The following IQCK variants were observed in gnomAD, a reference collection of about 807,000 sequenced individuals.
The protein encoded by IQCK is IQ domain-containing protein K.
A neutral mutation model predicts 28.1 loss-of-function variants in IQCK; 29 were observed. The ratio of observed to expected loss-of-function variants is 1.03; its 90% CI spans 0.77 to 1.41. IQCK has a LOEUF of 1.41. Ranked by LOEUF, IQCK falls within the 40% of genes most tolerant of loss-of-function variation. IQCK has a pLI of 0.00. For synonymous variants in IQCK, 113 were observed against 115.1 expected (o/e 0.98, Z 0.12); for missense variants, 359 against 314.7 (o/e 1.14, Z -1.07).
At chr16:19,722,377 C>T (rs1031379191) in intron 1 of IQCK, among the ~76,000 whole-genome samples, 1 of 152,068 alleles carries the variant, frequency 6.6e-6, no homozygotes. Flanking sequence ...TTATCACTCA[C>T]TTCCTCTGCT....
chr16:19,733,552 G>T, intron 2 of IQCK, 146 bp from the exon 3 acceptor site: 1 of 840,894 alleles, frequency 1.2e-6, no homozygotes, highest in Non-Finnish European at 1.8e-6. Flanking sequence ...TCTCAGGAGG[G>T]AAGGGAGACA....
At chr16:19,828,406 G>T (rs1198938039), downstream of IQCK, among the ~76,000 whole-genome samples, 6 of 145,716 alleles carry the variant, frequency 4.1e-5, no homozygotes, top group African/African-American at 7.6e-5. Flanking sequence ...GCTAATTTTT[G>T]TATTTTTAGT....
chr16:19,765,221 CAA>C (rs756571642), intron 6 of IQCK, among the ~76,000 whole-genome samples: 2,305 of 62,896 alleles, frequency 0.037, 54 homozygotes, highest in African/African-American at 0.12. Context: ...GACTCCATCT[CAA>C]AAAAAAAAAA....
intron 4 of IQCK, among the ~76,000 whole-genome samples, chr16:19,744,819 C>T (rs2054884764): frequency 1.3e-5 from 2 of 152,158 alleles, no homozygotes; most frequent in Admixed American, 6.5e-5. Context: ...CAAATATACT[C>T]TGTGAAAGGT....
chr16:19,855,184 T>C (rs2056542603), intron 9 of IQCK, among the ~76,000 whole-genome samples: 1 of 152,142 alleles, frequency 6.6e-6, no homozygotes, highest in African/African-American at 2.4e-5. Flanking sequence ...GGGAAGCTGA[T>C]GATCTGGAAA....
At chr16:19,749,937 G>C (rs2151697991) in intron 4 of IQCK, among the ~76,000 whole-genome samples, 1 of 152,226 alleles carries the variant, frequency 6.6e-6, no homozygotes, top group Admixed American at 6.5e-5. Flanking sequence ...TGTAAGGGAA[G>C]CTTAATGATT....
chr16:19,726,418 C>T (rs1334790161), intron 1 of IQCK, among the ~76,000 whole-genome samples: 1 of 151,998 alleles, frequency 6.6e-6, no homozygotes, highest in East Asian at 1.9e-4. Context: ...GGCAATTTGG[C>T]CCAAATTTTA....
chr16:19,764,646 A>G (rs1163087472), intron 6 of IQCK, among the ~76,000 whole-genome samples: 1 of 150,866 alleles, frequency 6.6e-6, no homozygotes, highest in Non-Finnish European at 1.5e-5. Context: ...AAATCAGTTT[A>G]TGCTGCTCTG....
intron 1 of IQCK, among the ~76,000 whole-genome samples, chr16:19,719,404 G>A (rs758365367): frequency 5.9e-5 from 9 of 151,720 alleles, no homozygotes; most frequent in Non-Finnish European, 1.3e-4. Flanking sequence ...GAAACAGCGC[G>A]GTGAAACCCC....
intron 4 of IQCK, among the ~76,000 whole-genome samples, chr16:19,740,697 A>G (rs1453666339): frequency 6.6e-6 from 1 of 152,144 alleles, no homozygotes; most frequent in African/African-American, 2.4e-5. Context: ...CTGGCCGGGC[A>G]CGGTGGGTCA....
At chr16:19,767,140 T>C (rs2055250354) in intron 6 of IQCK, among the ~76,000 whole-genome samples, 2 of 152,302 alleles carry the variant, frequency 1.3e-5, no homozygotes, top group South Asian at 4.1e-4. Flanking sequence ...GCAGGCAGGT[T>C]GTCGGGCTCC....
intron 1 of IQCK, among the ~76,000 whole-genome samples, chr16:19,727,384 C>T (rs926522262): frequency 1.3e-5 from 2 of 151,930 alleles, no homozygotes; most frequent in Non-Finnish European, 2.9e-5. Context: ...CTTAGGAGTT[C>T]GAGACCAGCC....
At chr16:19,854,661 A>T (rs1212229548) in intron 9 of IQCK, among the ~76,000 whole-genome samples, 1 of 152,250 alleles carries the variant, frequency 6.6e-6, no homozygotes, top group African/African-American at 2.4e-5. Flanking sequence ...GCCCCGCTCC[A>T]TCTGACTGTG....
intron 1 of IQCK, among the ~76,000 whole-genome samples, chr16:19,721,235 T>A (rs1435635191): frequency 6.6e-6 from 1 of 152,224 alleles, no homozygotes; most frequent in East Asian, 1.9e-4. Context: ...TAAGATAATC[T>A]CCATTCAAAA....
At chr16:19,730,520 A>T in intron 2 of IQCK, 26 bp downstream of exon 2, 1 of 1,530,372 alleles carries the variant, frequency 6.5e-7, no homozygotes, top group South Asian at 1.2e-5. Flanking sequence ...GCCTCAACCG[A>T]AGCAAGAAGC....
At position 19,738,528 on chromosome 16, in the gene IQCK, C is replaced by T. The variant is rs777797275; in HGVS notation, c.474+3078C>T. Among the ~76,000 whole-genome samples, 4 of 152,320 alleles carry T rather than the reference C, an allele frequency of 2.6e-5. No homozygotes were observed. The East Asian group carries it at 5.8e-4, about 22-fold the overall frequency. ...ACCTGATTTTGAAGTCCACCTCCAT[C>T]CCAGCTGGCAGCATAGCCCAGGACA... On this transcript the variant is annotated intron_variant, in intron 4 of 7. Transcript: ENST00000564186.
chr16:19,725,193 A>T (rs964593182), intron 1 of IQCK, among the ~76,000 whole-genome samples: 6 of 152,262 alleles, frequency 3.9e-5, no homozygotes, highest in African/African-American at 1.2e-4. Flanking sequence ...TACCTGATTT[A>T]AAAAAATTTT....
chr16:19,829,290 A>G (rs1172030713), downstream of IQCK, among the ~76,000 whole-genome samples: 1 of 149,846 alleles, frequency 6.7e-6, no homozygotes, highest in Non-Finnish European at 1.5e-5. Flanking sequence ...TTCTGCTCTT[A>G]CAATGTGCCA....
intron 7 of IQCK, among the ~76,000 whole-genome samples, chr16:19,822,135 C>A (rs912889346): frequency 6.7e-6 from 1 of 148,950 alleles, no homozygotes; most frequent in Admixed American, 6.7e-5. Context: ...ACGCAGTAAT[C>A]CCCGCACTTT....
Sources: allele counts gnomAD v4.1 joint callset (sites outside exome capture counted in the v4.1 genomes callset), GRCh38; gene constraint gnomAD v4.1.1; transcripts MANE v1.5; gene names NCBI Gene and HGNC (gene_info 2026-07-23, HGNC 2026-07-21).